PTAR1: variants seen among roughly 807,000 people sequenced by gnomAD.
PTAR1 encodes the protein protein prenyltransferase alpha subunit repeat-containing protein 1.
In PTAR1, 17 loss-of-function variants were observed where a neutral mutation model predicts 45.5. The observed-to-expected ratio is 0.37, with a 90% CI of 0.26 to 0.56. The LOEUF is 0.56. Among genes scored for constraint, PTAR1 ranks in the 20% least tolerant of loss-of-function variants. The pLI is 0.77. For synonymous variants in PTAR1, 169 were observed against 171.3 expected (o/e 0.99, Z 0.11); for missense variants, 391 against 476.3 (o/e 0.82, Z 1.67).
chr9:69,727,021 G>GTATA, intron 5 of PTAR1, among the ~76,000 whole-genome samples: 1 of 70,516 alleles, frequency 1.4e-5, no homozygotes, highest in African/African-American at 3.9e-5. Context: ...TTAAAATTGT[G>GTATA]TATATACACA....
At chr9:69,723,217 G>T (rs1180330926) in intron 6 of PTAR1, 109 bp downstream of exon 6, 1 of 875,362 alleles carries the variant, frequency 1.1e-6, no homozygotes, top group Non-Finnish European at 1.8e-6. Flanking sequence ...TCCACAATCA[G>T]ATGACCATGT....
Position 69,734,258 on chromosome 9 carries a change from TAAAAAAAAAAAA to T in PTAR1, c.324-16_324-5del, listed in dbSNP as rs398010830. On this transcript the variant is annotated splice_polypyrimidine_tract_variant and splice_region_variant and intron_variant, in intron 3 of 7. Coordinates refer to ENST00000340434, the MANE Select transcript of PTAR1 (RefSeq NM_001099666.2). Reference sequence around the variant, plus strand: ...GCCAGAGAGGATCAGCTCTTTCCTGTAAAAAAAAAAAAAAAAAAAAAAAAAAATTAAACATTA... The same window carrying T: ...GCCAGAGAGGATCAGCTCTTTCCTGTAAAAAAAAAAAAAAATTAAACATTA... 7.7e-5 allele frequency: 16 copies of T among 206,928 alleles called. 1 individual carries two copies. The highest frequency in any genetic ancestry group is 3.7e-4 in the Admixed American group (4 of 10,852). The allele number at this position is 206,928 out of a possible 1,614,324, so 12.8% of individuals were successfully genotyped here. A position where few individuals can be genotyped will look rare whatever the true frequency, so the allele number is the denominator to read the frequency against.
At chr9:69,726,585 G>C (rs1322803001) in intron 5 of PTAR1, among the ~76,000 whole-genome samples, 2 of 151,870 alleles carry the variant, frequency 1.3e-5, no homozygotes, top group Non-Finnish European at 2.9e-5. Context: ...ACTCCTATTG[G>C]AAGTACATGT....
intron 6 of PTAR1, among the ~76,000 whole-genome samples, chr9:69,720,453 G>A (rs1824943637): frequency 6.6e-6 from 1 of 152,188 alleles, no homozygotes; most frequent in Admixed American, 6.5e-5. Context: ...GGATCATGAG[G>A]TTTAAGGAAA....
intron 3 of PTAR1, among the ~76,000 whole-genome samples, chr9:69,739,878 A>T (rs1039362307): frequency 6.6e-6 from 1 of 152,206 alleles, no homozygotes; most frequent in African/African-American, 2.4e-5. Flanking sequence ...TCATCTAACT[A>T]GAACAATTTT....
At chr9:69,734,420 A>T (rs994081136) in intron 3 of PTAR1, among the ~76,000 whole-genome samples, 166 bp from the exon 4 acceptor site, 35 of 152,230 alleles carry the variant, frequency 2.3e-4, no homozygotes, top group Middle Eastern at 3.4e-3. Context: ...GATATAAAAC[A>T]CTCATAAATG....
intron 3 of PTAR1, among the ~76,000 whole-genome samples, chr9:69,738,303 A>T (rs1012921347): frequency 6.6e-6 from 1 of 152,208 alleles, no homozygotes; most frequent in Non-Finnish European, 1.5e-5. Flanking sequence ...TGTTGATATC[A>T]ATCTGGATTA....
chr9:69,740,032 A>G (rs1825972215), intron 3 of PTAR1, among the ~76,000 whole-genome samples: 1 of 152,190 alleles, frequency 6.6e-6, no homozygotes, highest in South Asian at 2.1e-4. Context: ...CATAGATAAA[A>G]AAACCAAAAC....
At chr9:69,755,081 C>G (rs1174555506) in intron 1 of PTAR1, among the ~76,000 whole-genome samples, 2 of 152,080 alleles carry the variant, frequency 1.3e-5, no homozygotes, top group Non-Finnish European at 2.9e-5. Flanking sequence ...AAATTTCACT[C>G]TTTTACACTG....
chr9:69,725,953 GAATA>G (rs1400054122), intron 5 of PTAR1, among the ~76,000 whole-genome samples: 2 of 151,968 alleles, frequency 1.3e-5, no homozygotes, highest in Non-Finnish European at 2.9e-5. Context: ...ATGAATAAGT[GAATA>G]AATAAACTAC....
At chr9:69,757,771 AAC>A (rs1826857101) in intron 1 of PTAR1, 1 of 152,116 alleles carries the variant, frequency 6.6e-6, no homozygotes, top group African/African-American at 2.4e-5. Flanking sequence ...AAAAAAAAGA[AAC>A]ACAGCCTCTT....
chr9:69,747,105 C>T (rs531326187), intron 2 of PTAR1, among the ~76,000 whole-genome samples: 7 of 152,280 alleles, frequency 4.6e-5, no homozygotes, highest in South Asian at 2.1e-4. Flanking sequence ...TCTTGTTACT[C>T]GTTTGACAAA....
intron 2 of PTAR1, among the ~76,000 whole-genome samples, chr9:69,744,873 T>C (rs1211458522): frequency 6.6e-6 from 1 of 152,218 alleles, no homozygotes; most frequent in African/African-American, 2.4e-5. Context: ...GCACAGTCCC[T>C]GGCCAAAAGC....
chr9:69,720,965 G>A (rs1413264147), intron 6 of PTAR1, among the ~76,000 whole-genome samples: 1 of 152,158 alleles, frequency 6.6e-6, no homozygotes, highest in Non-Finnish European at 1.5e-5. Context: ...GATTCATGTT[G>A]CTTTCATGAC....
At chr9:69,720,833 C>T (rs1232034339) in intron 6 of PTAR1, among the ~76,000 whole-genome samples, 1 of 152,170 alleles carries the variant, frequency 6.6e-6, no homozygotes, top group African/African-American at 2.4e-5. Flanking sequence ...GAATGGTTAA[C>T]TGAATATTTT....
At chr9:69,736,704 G>T (rs1027280262) in intron 3 of PTAR1, among the ~76,000 whole-genome samples, 1 of 151,936 alleles carries the variant, frequency 6.6e-6, no homozygotes, top group South Asian at 2.1e-4. Context: ...CTTCAAAAAA[G>T]AGGCAGTTAC....
chr9:69,718,277 T>C lies in PTAR1; in HGVS notation c.*65A>G. ...TAATAGTAAACAGTTCATGCAACTA[T>C]GTAAATAATAAAAGAAAGCAATATT... On this transcript the variant is annotated 3_prime_UTR_variant, in exon 8 of 8. Coordinates refer to ENST00000340434, the MANE Select transcript of PTAR1 (RefSeq NM_001099666.2). 4.4e-6 allele frequency: 5 copies of C among 1,136,774 alleles called. 1 individual carries two copies. The highest frequency in any genetic ancestry group is 1.6e-5 in the South Asian group (1 of 63,470). The allele number at this position is 1,136,774 out of a possible 1,614,324, so 70.4% of individuals were successfully genotyped here.
intron 2 of PTAR1, among the ~76,000 whole-genome samples, chr9:69,749,379 T>C (rs1216003521): frequency 2.0e-5 from 3 of 152,126 alleles, no homozygotes; most frequent in South Asian, 2.1e-4. Context: ...AAAAAATAAC[T>C]TGATGGAGTC....
At chr9:69,744,700 C>G (rs1036197575) in intron 2 of PTAR1, among the ~76,000 whole-genome samples, 1 of 152,064 alleles carries the variant, frequency 6.6e-6, no homozygotes, top group Admixed American at 6.6e-5. Flanking sequence ...CTGTTTTATG[C>G]GTATCTTACT....
Sources: gnomAD v4.1 joint callset for allele counts (sites outside exome capture counted in the v4.1 genomes callset) on GRCh38, gnomAD v4.1.1 for gene constraint, MANE v1.5 for transcripts, NCBI Gene and HGNC (gene_info 2026-07-23, HGNC 2026-07-21) for gene names.